MCPH1: variants seen among roughly 807,000 people sequenced by gnomAD.
MCPH1 encodes microcephalin.
A neutral mutation model predicts 84.5 loss-of-function variants in MCPH1; 104 were observed. The observed-to-expected ratio is 1.23, with a 90% CI of 1.05 to 1.45. The LOEUF (loss-of-function observed/expected upper bound fraction) is 1.45. Among genes scored for constraint, MCPH1 ranks in the 40% most tolerant of loss-of-function variants. The pLI is 0.00. For missense variants in MCPH1, 1,498 were observed against 1,005.7 expected (o/e 1.49, Z -6.62); for synonymous variants, 514 against 366.8 (o/e 1.40, Z -4.58).
At chr8:6,625,743 C>T (rs1374216643) in intron 13 of MCPH1, 1 of 976,074 alleles carries the variant, frequency 1.0e-6, no homozygotes, top group Non-Finnish European at 1.2e-6. Context: ...ACGATCCCAC[C>T]ACTGTACTCC....
chr8:6,570,803 G>T (rs73661409), intron 12 of MCPH1, among the ~76,000 whole-genome samples: 77 of 108,648 alleles, frequency 7.1e-4, no homozygotes, highest in Non-Finnish European at 6.9e-4. Flanking sequence ...ATGGATTGTT[G>T]TTTTTTTTTT....
At chr8:6,503,803 C>T (rs989171675) in intron 12 of MCPH1, among the ~76,000 whole-genome samples, 1 of 152,184 alleles carries the variant, frequency 6.6e-6, no homozygotes, top group African/African-American at 2.4e-5. Flanking sequence ...TGTGCTCGCT[C>T]AGCTAAAGCC....
chr8:6,444,025 G>C (rs11137028), intron 7 of MCPH1, among the ~76,000 whole-genome samples: 11 of 152,226 alleles, frequency 7.2e-5, no homozygotes, highest in African/African-American at 2.2e-4. Context: ...ACTTTCCCTA[G>C]ATCTTACAAC....
intron 12 of MCPH1, among the ~76,000 whole-genome samples, chr8:6,553,311 C>G (rs117370280): frequency 6.6e-6 from 1 of 152,070 alleles, no homozygotes; most frequent in Non-Finnish European, 1.5e-5. Flanking sequence ...TGAAAAGGAA[C>G]AAGTAAAGCA....
chr8:6,419,752 G>A (rs559445318), intron 3 of MCPH1, among the ~76,000 whole-genome samples: 2 of 152,110 alleles, frequency 1.3e-5, no homozygotes, highest in East Asian at 3.9e-4. Context: ...ACTCACTCCA[G>A]CCTCTCAAAG....
intron 9 of MCPH1, among the ~76,000 whole-genome samples, chr8:6,457,776 C>T (rs1805858904): frequency 6.6e-6 from 1 of 152,188 alleles, no homozygotes; most frequent in Non-Finnish European, 1.5e-5. Flanking sequence ...GGAGCAAGAC[C>T]TAGGTTTCCC....
At chr8:6,558,370 AT>A (rs1452249923) in intron 12 of MCPH1, among the ~76,000 whole-genome samples, 5 of 152,036 alleles carry the variant, frequency 3.3e-5, no homozygotes, top group Admixed American at 2.6e-4. Context: ...TTTTTGTTTT[AT>A]TTTTTAAATT....
chr8:6,481,672 G>A (rs142571010), intron 11 of MCPH1, among the ~76,000 whole-genome samples: 195 of 152,294 alleles, frequency 1.3e-3, no homozygotes, highest in African/African-American at 2.4e-3. Flanking sequence ...AATGGCCGTC[G>A]TCTTTTTTCC....
In MCPH1 at chr8:6,628,548, A is replaced by T. The variant is rs149145315; in HGVS notation, c.2452+6857A>T. Among the ~76,000 whole-genome samples the T allele has an allele frequency of 3.5e-3, 533 of 152,126 alleles. 5 individuals carry two copies. The highest frequency in any genetic ancestry group is 0.012 in the African/African-American group (511 of 41,454). Reference sequence around the variant, plus strand: ...AATACAGGAGTCAGCTGTCTATTCAATTCAGAATAAGAAATATTGTAGACA... The same window carrying T: ...AATACAGGAGTCAGCTGTCTATTCATTTCAGAATAAGAAATATTGTAGACA... On this transcript the variant is annotated intron_variant, in intron 13 of 13. Coordinates refer to ENST00000344683, the MANE Select transcript of MCPH1 (RefSeq NM_024596.5).
chr8:6,527,818 T>G, intron 12 of MCPH1: 1 of 843,552 alleles, frequency 1.2e-6, no homozygotes. Context: ...TTTTGGCATA[T>G]TTTTCATTTT....
chr8:6,583,902 TG>T (rs1554465665), intron 12 of MCPH1, among the ~76,000 whole-genome samples: 1 of 151,452 alleles, frequency 6.6e-6, no homozygotes, highest in Non-Finnish European at 1.5e-5. Flanking sequence ...ACCTACCTTC[TG>T]TTCTAAATTT....
chr8:6,425,680 G>A (rs1378934997), intron 3 of MCPH1, among the ~76,000 whole-genome samples: 1 of 152,190 alleles, frequency 6.6e-6, no homozygotes, highest in Non-Finnish European at 1.5e-5. Context: ...GTTGAATCAA[G>A]CCCTTCCTTA....
intron 12 of MCPH1, chr8:6,513,595 A>G (rs1030276190): frequency 4.2e-6 from 5 of 1,178,244 alleles, no homozygotes; most frequent in Non-Finnish European, 4.7e-6. Context: ...GGCCTCCCAA[A>G]GTGCTGGGAT....
At chr8:6,629,262 G>T (rs1315339390) in intron 13 of MCPH1, among the ~76,000 whole-genome samples, 1 of 152,104 alleles carries the variant, frequency 6.6e-6, no homozygotes, top group Non-Finnish European at 1.5e-5. Flanking sequence ...CAGGAGTTTG[G>T]GACCAGTGTG....
At chr8:6,483,272 C>T (rs1048835767) in intron 11 of MCPH1, among the ~76,000 whole-genome samples, 18 of 152,300 alleles carry the variant, frequency 1.2e-4, no homozygotes, top group Admixed American at 9.2e-4. Context: ...ATAGATTTAA[C>T]ACATTCTCAT....
chr8:6,454,530 C>T (rs1027468458), intron 8 of MCPH1, among the ~76,000 whole-genome samples: 5 of 152,182 alleles, frequency 3.3e-5, no homozygotes, highest in Non-Finnish European at 7.3e-5. Flanking sequence ...AATCAAAGTA[C>T]ACATTTCACA....
intron 13 of MCPH1, 102 bp downstream of exon 13, chr8:6,621,793 G>C: frequency 6.6e-7 from 1 of 1,512,116 alleles, no homozygotes; most frequent in African/African-American, 1.4e-5. Flanking sequence ...CGCAGCTGGG[G>C]CACCTGGGTT....
chr8:6,621,698 A>G lies in MCPH1; in HGVS notation c.2452+7A>G. On this transcript the variant is annotated splice_region_variant and intron_variant, in intron 13 of 13. Coordinates refer to ENST00000344683, the MANE Select transcript of MCPH1 (RefSeq NM_024596.5). The stretch of plus-strand genomic sequence containing the variant: ...TCTGAGAAATGGGTCTTAGGTAAGA[A>G]TCCAGGCACACAGACGCTGTGGTGT... 2 of 1,614,108 alleles carry G rather than the reference A, an allele frequency of 1.2e-6. No individual in the cohort carries two copies. The highest frequency in any genetic ancestry group is 1.7e-6 in the Non-Finnish European group (2 of 1,180,026).
chr8:6,423,309 C>T (rs147343756), intron 3 of MCPH1, among the ~76,000 whole-genome samples: 6,933 of 146,422 alleles, frequency 0.047, 300 homozygotes, highest in East Asian at 0.18. Context: ...GGACTACAGG[C>T]GCCCGCCACC....
Sources: gnomAD v4.1 joint callset for allele counts (sites outside exome capture counted in the v4.1 genomes callset) on GRCh38, gnomAD v4.1.1 for gene constraint, MANE v1.5 for transcripts, NCBI Gene and HGNC (gene_info 2026-07-23, HGNC 2026-07-21) for gene names.